Variants in GPATCH2 observed in about 807,000 individuals in gnomAD.
The protein encoded by GPATCH2 is G patch domain-containing protein 2.
In GPATCH2, 51 loss-of-function variants were observed where a neutral mutation model predicts 58.0. The ratio of observed to expected loss-of-function variants is 0.88; its 90% confidence interval spans 0.70 to 1.11. The LOEUF is 1.11. Ranked by LOEUF, GPATCH2 falls within the 50% of genes most tolerant of loss-of-function variation. The pLI is 0.00. For synonymous variants in GPATCH2, 222 were observed against 218.5 expected (o/e 1.02, Z -0.14); for missense variants, 625 against 652.2 (o/e 0.96, Z 0.45).
chr1:217,507,277 T>C (rs1220220456), intron 6 of GPATCH2, among the ~76,000 whole-genome samples: 4 of 152,230 alleles, frequency 2.6e-5, no homozygotes, highest in Non-Finnish European at 5.9e-5. Flanking sequence ...TTATGTTCTA[T>C]GGACTAGAAG....
intron 6 of GPATCH2, among the ~76,000 whole-genome samples, chr1:217,499,428 G>A (rs1662187113): frequency 6.6e-6 from 1 of 152,142 alleles, no homozygotes; most frequent in African/African-American, 2.4e-5. Flanking sequence ...CAAGGGGCTA[G>A]AAAGGGTTTA....
chr1:217,436,823 C>T (rs1162021231), intron 9 of GPATCH2, among the ~76,000 whole-genome samples: 1 of 151,988 alleles, frequency 6.6e-6, no homozygotes, highest in African/African-American at 2.4e-5. Context: ...TAAAGAGTAC[C>T]CCAGTTAGAA....
intron 5 of GPATCH2, 135 bp downstream of exon 5, chr1:217,610,186 T>G (rs1265096606): frequency 6.3e-7 from 1 of 1,589,924 alleles, no homozygotes; most frequent in Admixed American, 1.8e-5. Flanking sequence ...CTGGTCCAGT[T>G]TGTAGCCTAC....
At chr1:217,525,899 A>G (rs1663880270) in intron 5 of GPATCH2, among the ~76,000 whole-genome samples, 2 of 152,216 alleles carry the variant, frequency 1.3e-5, no homozygotes. Context: ...GTGCTTGCTT[A>G]CAAACTACTT....
chr1:217,573,882 A>T (rs1279939158), intron 5 of GPATCH2, among the ~76,000 whole-genome samples: 3 of 152,214 alleles, frequency 2.0e-5, no homozygotes, highest in Non-Finnish European at 4.4e-5. Context: ...TGTTCAAATA[A>T]TGTTAATGAT....
chr1:217,496,555 T>C (rs1662017044), intron 7 of GPATCH2, among the ~76,000 whole-genome samples: 1 of 152,210 alleles, frequency 6.6e-6, no homozygotes, highest in South Asian at 2.1e-4. Context: ...TGTTCCTAAC[T>C]GCAAGAAGAC....
chr1:217,620,077 C>T lies in GPATCH2; in HGVS notation c.479G>A (p.Arg160Lys). ...TGCCATGCGTTTTACCTTTCTCCTCCTGCGCAGAGTTCTATTCCCAACATT... is the reference window on the plus strand; with the variant it reads ...TGCCATGCGTTTTACCTTTCTCCTCTTGCGCAGAGTTCTATTCCCAACATT... The part of the protein sequence containing the change: ...VDNVGNRTLR[R>K]RRKVKRMAVD... The change falls in exon 2 of 10, where the codon AGG becomes AAG. Residue 160 changes from arginine to lysine, a missense_variant. By Grantham distance (26) the Arg-to-Lys change is conservative. Transcript: ENST00000366935. 6.2e-7 allele frequency: 1 copy of T among 1,614,034 alleles called. No homozygotes were observed. The highest frequency in any genetic ancestry group is 8.5e-7 in the Non-Finnish European group (1 of 1,180,022).
In GPATCH2 at chr1:217,629,297, G is replaced by A. The variant is rs182796252; in HGVS notation, c.56+1619C>T. Among the ~76,000 whole-genome samples, 185 of 152,232 alleles carry A rather than the reference G, an allele frequency of 1.2e-3. 1 individual carries two copies. Among genetic ancestry groups the A allele is most frequent in the Non-Finnish European group, 2.2e-3 (149 of 67,978 alleles). On this transcript the variant is annotated intron_variant, in intron 1 of 9. Coordinates refer to ENST00000366935, the MANE Select transcript of GPATCH2 (RefSeq NM_018040.5). ...TTTCTGGAACATATTCATTCTGACA[G>A]AACAGGAATGACTTTAGAATTTCAT...
chr1:217,597,817 G>A (rs904042097), intron 5 of GPATCH2, among the ~76,000 whole-genome samples: 8 of 152,048 alleles, frequency 5.3e-5, no homozygotes, highest in East Asian at 1.9e-4. Context: ...AAGGCATATC[G>A]TTCTCTCTGC....
intron 5 of GPATCH2, among the ~76,000 whole-genome samples, chr1:217,565,584 A>G (rs953830975): frequency 3.3e-5 from 5 of 152,208 alleles, no homozygotes; most frequent in African/African-American, 1.2e-4. Context: ...TCATTGCTAC[A>G]TGGTTACTTT....
intron 4 of GPATCH2, among the ~76,000 whole-genome samples, chr1:217,610,605 C>T (rs1270798623): frequency 6.6e-6 from 1 of 152,170 alleles, no homozygotes; most frequent in Non-Finnish European, 1.5e-5. Context: ...ACTTAACTAA[C>T]CAGTGTTCAA....
In GPATCH2 at chr1:217,508,347, AG is replaced by A. The variant is rs146584461; in HGVS notation, c.1166+6474del. Among the ~76,000 whole-genome samples the A allele has an allele frequency of 2.9e-3, 441 of 152,296 alleles. 1 individual carries two copies. Among genetic ancestry groups the A allele is most frequent in the African/African-American group, 9.7e-3 (402 of 41,582 alleles). ...CGATATTTACACAAAAGATAAAATA[AG>A]GGGTGAGTATTTGCTTTATAAAGGA... is the stretch of plus-strand genomic sequence containing the variant. On this transcript the variant is annotated intron_variant, in intron 6 of 9. Coordinates refer to ENST00000366935, the MANE Select transcript of GPATCH2 (RefSeq NM_018040.5).
chr1:217,596,319 T>C (rs1335671532), intron 5 of GPATCH2, among the ~76,000 whole-genome samples: 4 of 152,182 alleles, frequency 2.6e-5, no homozygotes, highest in African/African-American at 9.7e-5. Flanking sequence ...ATTGGAAATA[T>C]ATATTTTACC....
rs548210961 is a variant in GPATCH2, at chr1:217,443,189, C to A, written c.1366+6060G>T. 2.4e-3 allele frequency among the ~76,000 whole-genome samples: 372 copies of A among 152,246 alleles called. 3 individuals are homozygous for A. Among genetic ancestry groups the A allele is most frequent in the Non-Finnish European group, 4.3e-3 (291 of 67,984 alleles). ...TTGCTCACCATTACTTCCTGAATTT[C>A]ATTCGTTTTTAATGGATTCTGTTTT... On this transcript the variant is annotated intron_variant, in intron 9 of 9. Coordinates refer to ENST00000366935, the MANE Select transcript of GPATCH2 (RefSeq NM_018040.5).
At chr1:217,469,586 A>C (rs977551637) in intron 8 of GPATCH2, among the ~76,000 whole-genome samples, 1 of 152,126 alleles carries the variant, frequency 6.6e-6, no homozygotes, top group Non-Finnish European at 1.5e-5. Context: ...TTGTTCCTGT[A>C]ATTGAAAGGA....
chr1:217,572,160 C>T (rs1240067399), intron 5 of GPATCH2, among the ~76,000 whole-genome samples: 2 of 151,958 alleles, frequency 1.3e-5, no homozygotes, highest in East Asian at 3.9e-4. Flanking sequence ...ATCCTGATAC[C>T]TATCTTACAG....
At chr1:217,625,358 C>A (rs1418000069) in intron 1 of GPATCH2, among the ~76,000 whole-genome samples, 1 of 152,144 alleles carries the variant, frequency 6.6e-6, no homozygotes, top group Non-Finnish European at 1.5e-5. Flanking sequence ...TTAGTCCTAA[C>A]TTATTGCTTA....
chr1:217,527,704 C>A (rs1663985499), intron 5 of GPATCH2, among the ~76,000 whole-genome samples: 2 of 152,062 alleles, frequency 1.3e-5, no homozygotes, highest in Admixed American at 6.5e-5. Flanking sequence ...AATAATGAAG[C>A]CAATTATATC....
intron 8 of GPATCH2, among the ~76,000 whole-genome samples, chr1:217,478,540 G>GA (rs1326340990): frequency 6.6e-6 from 1 of 152,104 alleles, no homozygotes; most frequent in Non-Finnish European, 1.5e-5. Context: ...TCAAGCTGAA[G>GA]AAAAATTAGT....
Sources: allele counts gnomAD v4.1 joint callset (sites outside exome capture counted in the v4.1 genomes callset), GRCh38; gene constraint gnomAD v4.1.1; transcripts MANE v1.5; gene names NCBI Gene and HGNC (gene_info 2026-07-23, HGNC 2026-07-21).